The following GPC4 variants were observed in gnomAD, a reference collection of about 807,000 sequenced individuals.
GPC4 encodes glypican 4.
GPC4 carries 10 observed loss-of-function variants against 35.0 expected under a neutral mutation model. That is an observed-to-expected ratio of 0.29 (90% CI 0.18 to 0.48). GPC4 has a LOEUF of 0.48. Among genes scored for constraint, GPC4 ranks in the 20% least tolerant of loss-of-function variants. The pLI is 0.99. For synonymous variants in GPC4, 167 were observed against 170.2 expected (o/e 0.98, Z 0.15); for missense variants, 322 against 451.3 (o/e 0.71, Z 2.60).
chrX:133,352,023 A>G (rs1369053823), intron 1 of GPC4, among the ~76,000 whole-genome samples: 1 of 111,985 alleles, frequency 8.9e-6, no homozygotes, highest in East Asian at 2.8e-4. Context: ...CATGGATTTT[A>G]TTGTTGTTCT....
chrX:133,389,649 G>A (rs1317205053), intron 1 of GPC4, among the ~76,000 whole-genome samples: 1 of 111,208 alleles, frequency 9.0e-6, no homozygotes, highest in Non-Finnish European at 1.9e-5. Flanking sequence ...ACTATATGTA[G>A]AGTACAGGGA....
chrX:133,316,813 C>CT (rs1239619831), intron 3 of GPC4, among the ~76,000 whole-genome samples: 2 of 111,932 alleles, frequency 1.8e-5, no homozygotes, highest in African/African-American at 6.5e-5. Context: ...CAAGAAAACA[C>CT]TGCTGGATGT....
rs572740032 is a variant in GPC4, at chrX:133,303,363, G to C, written c.1293-22C>G. On this transcript the variant is annotated intron_variant, in intron 7 of 8. Coordinates refer to ENST00000370828, the MANE Select transcript of GPC4 (RefSeq NM_001448.3). ...GTACCTGGAATGTAAAATGACCCCA[G>C]TAAGATGATTCGTAAAGCGAAAAGA... The C allele has an allele frequency of 3.2e-4, 373 of 1,178,696 alleles. 4 individuals are homozygous for C. The South Asian group carries it at 6.7e-3, about 21-fold the overall frequency.
intron 1 of GPC4, among the ~76,000 whole-genome samples, chrX:133,372,654 G>T (rs868351084): frequency 7.1e-5 from 8 of 112,029 alleles, no homozygotes; most frequent in Admixed American, 3.8e-4. Flanking sequence ...TTAGGCTTCT[G>T]CTTAAGAGCA....
chrX:133,326,576 T>C (rs2068395026), intron 2 of GPC4, among the ~76,000 whole-genome samples: 1 of 111,960 alleles, frequency 8.9e-6, no homozygotes, highest in South Asian at 3.7e-4. Flanking sequence ...ACCCTAAAGT[T>C]GGAAAACAAC....
At chrX:133,354,049 A>C (rs2068528879) in intron 1 of GPC4, among the ~76,000 whole-genome samples, 1 of 111,931 alleles carries the variant, frequency 8.9e-6, no homozygotes, top group African/African-American at 3.3e-5. Context: ...TCATTTGGAA[A>C]ATTCAAGGAC....
intron 1 of GPC4, among the ~76,000 whole-genome samples, chrX:133,414,132 C>G (rs1307727376): frequency 1.8e-5 from 2 of 110,946 alleles, no homozygotes; most frequent in Non-Finnish European, 3.8e-5. Context: ...AGGAGAGTTC[C>G]CAAAAGTCAG....
chrX:133,348,866 T>C (rs2068504485), intron 1 of GPC4, among the ~76,000 whole-genome samples: 1 of 112,051 alleles, frequency 8.9e-6, no homozygotes, highest in South Asian at 3.8e-4. Flanking sequence ...GTTTTATTGG[T>C]GAATTTTTCT....
At chrX:133,312,405 C>A (rs139301408) in intron 3 of GPC4, among the ~76,000 whole-genome samples, 223 of 110,389 alleles carry the variant, frequency 2.0e-3, no homozygotes, top group African/African-American at 6.8e-3. Context: ...CCGAAGTGGG[C>A]GGATCACAAG....
chrX:133,352,030 T>C (rs75233050), intron 1 of GPC4, among the ~76,000 whole-genome samples: 1 of 112,039 alleles, frequency 8.9e-6, no homozygotes, highest in South Asian at 3.8e-4. Context: ...TTTATTGTTG[T>C]TCTCTAGGCT....
intron 4 of GPC4, among the ~76,000 whole-genome samples, chrX:133,309,871 C>T (rs2068306872): frequency 8.9e-6 from 1 of 111,871 alleles, no homozygotes; most frequent in Non-Finnish European, 1.9e-5. Context: ...ACAATTTCTC[C>T]CATGGCTTCA....
Position 133,311,240 on chromosome X carries a change from T to C in GPC4, c.877+18A>G, listed in dbSNP as rs1309281866. The C allele has an allele frequency of 5.8e-6, 7 of 1,203,790 alleles. No homozygotes were observed. Among genetic ancestry groups the C allele is most frequent in the South Asian group, 1.8e-5 (1 of 55,843 alleles). Reference sequence around the variant, plus strand: ...TAAGCTATCTCCAGCAACACAAATATGTTAACCACTTGCTCACCTATGAAA... The same window carrying C: ...TAAGCTATCTCCAGCAACACAAATACGTTAACCACTTGCTCACCTATGAAA... On this transcript the variant is annotated intron_variant, in intron 4 of 8. Coordinates refer to ENST00000370828, the MANE Select transcript of GPC4 (RefSeq NM_001448.3).
In GPC4 at chrX:133,359,072, G is replaced by A. The variant is rs185949357; in HGVS notation, c.161-19731C>T. Among the ~76,000 whole-genome samples the A allele has an allele frequency of 1.3e-4, 15 of 111,673 alleles. No individual in the cohort carries two copies. The Admixed American group carries it at 1.4e-3, about 11-fold the overall frequency. On this transcript the variant is annotated intron_variant, in intron 1 of 8. Transcript: ENST00000370828. ...AAGAGATACCTGGCCTTGGTCTTGA[G>A]TAGTACATAGGACTTAGGACACCAA...
chrX:133,352,678 G>C (rs1195467076), intron 1 of GPC4, among the ~76,000 whole-genome samples: 1 of 111,533 alleles, frequency 9.0e-6, no homozygotes, highest in Non-Finnish European at 1.9e-5. Context: ...CACCAGAGGA[G>C]AGCTTCTATG....
Position 133,379,351 on chromosome X carries a change from T to A in GPC4, c.160+35455A>T, listed in dbSNP as rs188946491. On this transcript the variant is annotated intron_variant, in intron 1 of 8. Transcript: ENST00000370828. ...ATTGTATGATTCCATTTATATGAAA[T>A]GTCTAGAATGAGCAAATCCAGAGAG... 2.7e-5 allele frequency among the ~76,000 whole-genome samples: 3 copies of A among 112,217 alleles called. No individual in the cohort carries two copies. The East Asian group carries it at 8.5e-4, about 32-fold the overall frequency.
intron 1 of GPC4, among the ~76,000 whole-genome samples, chrX:133,346,012 T>C (rs1367004168): frequency 8.9e-6 from 1 of 111,780 alleles, no homozygotes; most frequent in African/African-American, 3.3e-5. Context: ...GGGGTCCAAA[T>C]ACCCCCTAGA....
At chrX:133,311,531 T>G (rs778273528) in intron 3 of GPC4, 108 bp from the exon 4 acceptor site, 3 of 722,309 alleles carry the variant, frequency 4.2e-6, no homozygotes, top group South Asian at 4.4e-5. Context: ...TAAGAATGAG[T>G]TGTGATTGAT....
Position 133,390,946 on chromosome X carries a change from T to C in GPC4, c.160+23860A>G, listed in dbSNP as rs1040147797. Among the ~76,000 whole-genome samples, 4 of 111,892 alleles carry C rather than the reference T, an allele frequency of 3.6e-5. No homozygotes were observed. The East Asian group carries it at 8.5e-4, about 24-fold the overall frequency. Reference sequence around the variant, plus strand: ...TTCTCCCGCCTGGCAGTGATGTTTATGTGCTCATGTTATAGCTGTGTCCAC... The same window carrying C: ...TTCTCCCGCCTGGCAGTGATGTTTACGTGCTCATGTTATAGCTGTGTCCAC... On this transcript the variant is annotated intron_variant, in intron 1 of 8. Transcript: ENST00000370828.
At chrX:133,376,081 A>G (rs2068631782) in intron 1 of GPC4, among the ~76,000 whole-genome samples, 1 of 111,517 alleles carries the variant, frequency 9.0e-6, no homozygotes, top group Non-Finnish European at 1.9e-5. Flanking sequence ...CAGCCACTGA[A>G]GACAGCCAGG....
Sources: gnomAD v4.1 joint callset for allele counts (sites outside exome capture counted in the v4.1 genomes callset) on GRCh38, gnomAD v4.1.1 for gene constraint, MANE v1.5 for transcripts, NCBI Gene and HGNC (gene_info 2026-07-23, HGNC 2026-07-21) for gene names.